The following KCNQ5 variants were observed in gnomAD, a reference collection of about 807,000 sequenced individuals.
KCNQ5 encodes potassium voltage-gated channel subfamily Q member 5.
A neutral mutation model predicts 98.2 loss-of-function variants in KCNQ5; 30 were observed. The ratio of observed to expected loss-of-function variants is 0.31; its 90% CI spans 0.23 to 0.41. KCNQ5 has a LOEUF of 0.41. Ranked by LOEUF, KCNQ5 falls within the 10% of genes least tolerant of loss-of-function variation. The probability of loss-of-function intolerance (pLI) is 1.00; values close to 1 mark genes in which losing one functional copy is unlikely to be tolerated. For synonymous variants in KCNQ5, 458 were observed against 449.4 expected, an observed-to-expected ratio of 1.02 and a Z score of -0.24; for missense variants, 835 against 1,182.5, an observed-to-expected ratio of 0.71 and a Z score of 4.31.
At chr6:72,886,882 T>C (rs9360610) in intron 1 of KCNQ5, among the ~76,000 whole-genome samples, 41,433 of 151,978 alleles carry the variant, frequency 0.27, 5,869 homozygotes, top group Admixed American at 0.31. Flanking sequence ...AACTAAATAA[T>C]TTATTACCCA....
At chr6:72,998,638 G>A (rs1769417534) in intron 1 of KCNQ5, among the ~76,000 whole-genome samples, 1 of 151,996 alleles carries the variant, frequency 6.6e-6, no homozygotes, top group Non-Finnish European at 1.5e-5. Context: ...TCAGGAGGCT[G>A]AGGCAGGAGA....
intron 1 of KCNQ5, among the ~76,000 whole-genome samples, chr6:72,734,650 G>T (rs1458710832): frequency 2.0e-5 from 3 of 152,050 alleles, no homozygotes; most frequent in African/African-American, 4.8e-5. Context: ...TTACTTACAA[G>T]CTATTATTCT....
chr6:73,068,002 A>G (rs1285040583), intron 3 of KCNQ5, among the ~76,000 whole-genome samples: 1 of 152,134 alleles, frequency 6.6e-6, no homozygotes, highest in African/African-American at 2.4e-5. Flanking sequence ...ATACTATAAG[A>G]ATACATAATC....
intron 1 of KCNQ5, among the ~76,000 whole-genome samples, chr6:72,985,209 T>C (rs1768707984): frequency 6.6e-6 from 1 of 152,006 alleles, no homozygotes; most frequent in South Asian, 2.1e-4. Flanking sequence ...TTGTGACACA[T>C]GCACCAAAAA....
intron 1 of KCNQ5, among the ~76,000 whole-genome samples, chr6:72,662,050 T>C (rs1766556752): frequency 6.6e-6 from 1 of 152,146 alleles, no homozygotes; most frequent in Admixed American, 6.6e-5. Flanking sequence ...TTCTTCCTTC[T>C]CCTAAACCTC....
At chr6:72,705,093 A>G (rs1210872639) in intron 1 of KCNQ5, among the ~76,000 whole-genome samples, 3 of 152,094 alleles carry the variant, frequency 2.0e-5, no homozygotes, top group African/African-American at 7.2e-5. Flanking sequence ...TCCATCTGAT[A>G]TGCTTTCCTT....
intron 1 of KCNQ5, among the ~76,000 whole-genome samples, chr6:72,726,841 T>A (rs2154475588): frequency 6.6e-6 from 1 of 152,266 alleles, no homozygotes; most frequent in South Asian, 2.1e-4. Flanking sequence ...GATTTTTTAA[T>A]TTTTTTCAAA....
intron 1 of KCNQ5, among the ~76,000 whole-genome samples, chr6:72,833,836 A>G (rs1234195052): frequency 6.6e-6 from 1 of 152,158 alleles, no homozygotes; most frequent in Non-Finnish European, 1.5e-5. Context: ...ACATATTTAT[A>G]TGATGGAATA....
intron 11 of KCNQ5, among the ~76,000 whole-genome samples, chr6:73,175,397 C>T (rs1778174967): frequency 1.3e-5 from 2 of 152,072 alleles, no homozygotes; most frequent in African/African-American, 2.4e-5. Flanking sequence ...TGATCTGCCC[C>T]CCCCTTGGCT....
At chr6:72,887,385 A>G (rs1778887167) in intron 1 of KCNQ5, among the ~76,000 whole-genome samples, 2 of 152,082 alleles carry the variant, frequency 1.3e-5, no homozygotes, top group African/African-American at 4.8e-5. Flanking sequence ...ACAGCACAGG[A>G]AAGACCCACC....
intron 1 of KCNQ5, among the ~76,000 whole-genome samples, chr6:72,997,782 CAAAAAAAAAAAA>C (rs70994154): frequency 2.1e-4 from 13 of 62,054 alleles, no homozygotes; most frequent in African/African-American, 2.5e-4. Flanking sequence ...GACTCTGTCT[CAAAAAAAAAAAA>C]AAAAAAAAAA....
chr6:72,707,534 A>T (rs1310536547), intron 1 of KCNQ5, among the ~76,000 whole-genome samples: 1 of 152,204 alleles, frequency 6.6e-6, no homozygotes, highest in Non-Finnish European at 1.5e-5. Flanking sequence ...AACTATCCAA[A>T]AATTGCCTTG....
chr6:73,014,711 T>G (rs958109304), intron 2 of KCNQ5, among the ~76,000 whole-genome samples: 3 of 152,086 alleles, frequency 2.0e-5, no homozygotes, highest in Non-Finnish European at 4.4e-5. Context: ...TTAAAGAAAA[T>G]CTATAGGGAA....
chr6:72,921,832 G>A (rs1026339976), intron 1 of KCNQ5, among the ~76,000 whole-genome samples: 1 of 151,170 alleles, frequency 6.6e-6, no homozygotes, highest in African/African-American at 2.5e-5. Flanking sequence ...CTGGGTGTCA[G>A]TAATTCATAA....
chr6:73,073,697 T>C (rs556807900), intron 3 of KCNQ5, among the ~76,000 whole-genome samples: 1 of 152,176 alleles, frequency 6.6e-6, no homozygotes, highest in Non-Finnish European at 1.5e-5. Context: ...AATTAACTAC[T>C]TAATACATAA....
At chr6:72,958,795 G>A (rs1767206461) in intron 1 of KCNQ5, among the ~76,000 whole-genome samples, 1 of 152,138 alleles carries the variant, frequency 6.6e-6, no homozygotes, top group Non-Finnish European at 1.5e-5. Context: ...TTTTCAAAGT[G>A]CAATACATTA....
At chr6:73,089,736 T>TA (rs1490572321) in intron 5 of KCNQ5, among the ~76,000 whole-genome samples, 1 of 151,750 alleles carries the variant, frequency 6.6e-6, no homozygotes, top group East Asian at 1.9e-4. Flanking sequence ...CAAATGCCAT[T>TA]AATTCATTCC....
intron 1 of KCNQ5, among the ~76,000 whole-genome samples, chr6:72,979,094 T>C (rs1768302300): frequency 6.6e-6 from 1 of 152,240 alleles, no homozygotes; most frequent in Admixed American, 6.5e-5. Flanking sequence ...ATATTTGGGT[T>C]GGTTCCAAGT....
At chr6:72,795,049 T>C (rs1774255871) in intron 1 of KCNQ5, among the ~76,000 whole-genome samples, 2 of 152,198 alleles carry the variant, frequency 1.3e-5, no homozygotes, top group African/African-American at 4.8e-5. Flanking sequence ...CTCTGTCTCA[T>C]CTGAATTGAC....
Sources: gnomAD v4.1 joint callset for allele counts (sites outside exome capture counted in the v4.1 genomes callset) on GRCh38, gnomAD v4.1.1 for gene constraint, MANE v1.5 for transcripts, NCBI Gene and HGNC (gene_info 2026-07-23, HGNC 2026-07-21) for gene names.